SCP2: variants seen among roughly 807,000 people sequenced by gnomAD.
SCP2 encodes SCP-2/3-oxoacyl-CoA thiolase.
Under a neutral mutation model 71.4 loss-of-function variants are expected in SCP2, and 48 were observed. That is an observed-to-expected ratio of 0.67 (90% CI 0.53 to 0.86). The LOEUF (loss-of-function observed/expected upper bound fraction) is 0.86. SCP2 is among the 40% of genes least tolerant of loss of function. The pLI, the probability that SCP2 is intolerant of heterozygous loss-of-function variation, is 0.00. For missense variants in SCP2, 560 were observed against 655.6 expected (o/e 0.85, Z 1.59); for synonymous variants, 220 against 218.1 (o/e 1.01, Z -0.08).
At chr1:53,045,246 T>G (rs1663715175) in intron 14 of SCP2, among the ~76,000 whole-genome samples, 1 of 152,178 alleles carries the variant, frequency 6.6e-6, no homozygotes, top group East Asian at 1.9e-4. Flanking sequence ...AAGGAACCAT[T>G]ATTTCAAATC....
Position 52,936,705 on chromosome 1 carries a change from C to T in SCP2, c.70-5091C>T, listed in dbSNP as rs533817381. 2.2e-4 allele frequency among the ~76,000 whole-genome samples: 33 copies of T among 152,206 alleles called. No homozygotes were observed. The South Asian group carries it at 3.3e-3, about 15-fold the overall frequency. On this transcript the variant is annotated intron_variant, in intron 1 of 15. Transcript: ENST00000371514. Reference sequence around the variant, plus strand: ...ACTTTTTTAAAATAAATGGGCAAGACTAAACTATAATGTCTTTGGATGCGT... The same window carrying T: ...ACTTTTTTAAAATAAATGGGCAAGATTAAACTATAATGTCTTTGGATGCGT...
At chr1:52,975,730 A>G (rs903828040) in intron 7 of SCP2, among the ~76,000 whole-genome samples, 7 of 152,190 alleles carry the variant, frequency 4.6e-5, no homozygotes, top group African/African-American at 1.7e-4. Context: ...GTATTCTTTA[A>G]TTTGCCAGGA....
intron 11 of SCP2, among the ~76,000 whole-genome samples, chr1:53,000,913 C>T (rs988754226): frequency 2.0e-4 from 31 of 152,114 alleles, no homozygotes; most frequent in Admixed American, 1.8e-3. Context: ...TGAGATCATG[C>T]CACTACACTC....
chr1:52,929,762 A>G (rs1652961492), intron 1 of SCP2, among the ~76,000 whole-genome samples: 2 of 152,174 alleles, frequency 1.3e-5, no homozygotes, highest in Non-Finnish European at 2.9e-5. Context: ...AGCTGGGACT[A>G]CAGGTGCCCA....
At chr1:53,043,621 GATTGTTATAAA>G (rs911117707) in intron 14 of SCP2, among the ~76,000 whole-genome samples, 4 of 152,180 alleles carry the variant, frequency 2.6e-5, no homozygotes, top group African/African-American at 9.7e-5. Flanking sequence ...ACCCTTATAG[GATTGTTATAAA>G]GATCAGATGA....
chr1:52,981,340 T>C (rs1036480583), intron 10 of SCP2, among the ~76,000 whole-genome samples: 2 of 152,222 alleles, frequency 1.3e-5, no homozygotes, highest in African/African-American at 2.4e-5. Context: ...GTCTTTGAAA[T>C]GTAGCTAGTC....
chr1:52,947,017 C>T lies in SCP2; in HGVS notation c.128-992C>T, dbSNP rs572043785. 2.4e-3 allele frequency among the ~76,000 whole-genome samples: 352 copies of T among 148,240 alleles called. 3 individuals carry two copies. Among genetic ancestry groups the T allele is most frequent in the Non-Finnish European group, 3.1e-3 (208 of 67,172 alleles). On this transcript the variant is annotated intron_variant, in intron 2 of 15. Transcript: ENST00000371514. ...TGGAGGTTGCAGTGAGCCGAGATCG[C>T]GCCCTTGCCCTCCAGCCTGGGCGAC...
chr1:53,037,387 G>A (rs1012138239), intron 13 of SCP2, among the ~76,000 whole-genome samples: 10 of 152,062 alleles, frequency 6.6e-5, no homozygotes, highest in South Asian at 4.2e-4. Flanking sequence ...TCCCTTGATC[G>A]CAGCGTATTG....
intron 11 of SCP2, chr1:52,993,861 T>C: frequency 6.7e-7 from 1 of 1,484,186 alleles, no homozygotes; most frequent in Non-Finnish European, 8.9e-7. Context: ...TTAGTAATCA[T>C]ATGATAGTAT....
At chr1:53,043,382 CA>C (rs1327023359) in intron 14 of SCP2, among the ~76,000 whole-genome samples, 1 of 152,196 alleles carries the variant, frequency 6.6e-6, no homozygotes, top group Non-Finnish European at 1.5e-5. Context: ...CTCAGCCCCT[CA>C]AAAGGGCTTT....
At chr1:52,962,736 T>C (rs1359771675) in intron 6 of SCP2, among the ~76,000 whole-genome samples, 1 of 152,120 alleles carries the variant, frequency 6.6e-6, no homozygotes. Context: ...CTCCCTTGCT[T>C]CCATCAGGTC....
chr1:52,942,185 G>A (rs1325308930), intron 2 of SCP2, among the ~76,000 whole-genome samples: 1 of 152,180 alleles, frequency 6.6e-6, no homozygotes, highest in East Asian at 1.9e-4. Context: ...AACAAAATTA[G>A]TGTCTTCCTT....
At chr1:52,995,111 G>C in intron 11 of SCP2, 1 of 498,504 alleles carries the variant, frequency 2.0e-6, no homozygotes. Context: ...AGCTGTGACT[G>C]CCTGCAGGGC....
Position 52,976,770 on chromosome 1 carries a change from G to A in SCP2, c.674+1G>A, listed in dbSNP as rs772582281. The stretch of plus-strand genomic sequence containing the variant: ...ATTTTTTGACTATCTTACAATGTTG[G>A]TAAGAAAAATATATTTTAACATTTA... On this transcript the variant is annotated splice_donor_variant, in intron 8 of 15. Transcript: ENST00000371514. LOFTEE classifies it high-confidence loss of function. The A allele has an allele frequency of 7.3e-7, 1 of 1,372,746 alleles. No individual in the cohort carries two copies. Among genetic ancestry groups the A allele is most frequent in the Non-Finnish European group, 1.0e-6 (1 of 960,568 alleles). The allele number at this position is 1,372,746 out of a possible 1,614,324, so 85.0% of individuals were successfully genotyped here.
rs758057676 is a variant in SCP2 at position 52,927,377 on chromosome 1, G to C, written c.-20G>C. The C allele has an allele frequency of 1.3e-6, 2 of 1,571,432 alleles. No homozygotes were observed. Among genetic ancestry groups the C allele is most frequent in the South Asian group, 2.3e-5 (2 of 85,558 alleles). The stretch of plus-strand genomic sequence containing the variant: ...GGCAGTCGTCCGCGGCGCCCGCCCC[G>C]GTCCCGCACTGGTGCAGCCATGTCC... On this transcript the variant is annotated 5_prime_UTR_variant, in exon 1 of 16. Transcript: ENST00000371514.
chr1:53,039,193 T>G, intron 14 of SCP2, 147 bp downstream of exon 14: 1 of 994,908 alleles, frequency 1.0e-6, no homozygotes, highest in Non-Finnish European at 1.5e-6. Context: ...CAGGAACAGG[T>G]CAAAGCCACC....
At chr1:52,931,326 G>A (rs569950625) in intron 1 of SCP2, among the ~76,000 whole-genome samples, 7 of 152,278 alleles carry the variant, frequency 4.6e-5, no homozygotes, top group Admixed American at 1.3e-4. Flanking sequence ...CTAGGTGCCA[G>A]GTAGGGTGGG....
chr1:53,021,084 C>A (rs1238661488), intron 12 of SCP2, among the ~76,000 whole-genome samples: 1 of 152,028 alleles, frequency 6.6e-6, no homozygotes, highest in Non-Finnish European at 1.5e-5. Flanking sequence ...TGGGTTACTG[C>A]AGCCTCGACC....
chr1:52,941,674 G>A (rs996913767), intron 1 of SCP2, 122 bp from the exon 2 acceptor site: 21 of 583,708 alleles, frequency 3.6e-5, no homozygotes, highest in Non-Finnish European at 6.0e-5. Flanking sequence ...GGCAGAGGTT[G>A]CAGTGAGCCG....
Sources: allele counts gnomAD v4.1 joint callset (sites outside exome capture counted in the v4.1 genomes callset), GRCh38; gene constraint gnomAD v4.1.1; transcripts MANE v1.5; gene names NCBI Gene and HGNC (gene_info 2026-07-23, HGNC 2026-07-21).